The following PCDHGA1 variants were observed in gnomAD, a reference collection of about 807,000 sequenced individuals.
PCDHGA1 encodes protocadherin gamma subfamily A, 1, also known as protocadherin gamma-A1.
Under a neutral mutation model 58.0 loss-of-function variants are expected in PCDHGA1, and 32 were observed. The ratio of observed to expected loss-of-function variants is 0.55; its 90% CI spans 0.42 to 0.74. The LOEUF is 0.74. Ranked by LOEUF, PCDHGA1 falls within the 30% of genes least tolerant of loss-of-function variation. The pLI, the probability that PCDHGA1 is intolerant of heterozygous loss-of-function variation, is 0.00. For synonymous variants in PCDHGA1, 498 were observed against 501.1 expected, an observed-to-expected ratio of 0.99 and a Z score of 0.08; for missense variants, 1,205 against 1,182.3, an observed-to-expected ratio of 1.02 and a Z score of -0.28.
chr5:141,409,608 C>T, intron 1 of PCDHGA1: 18 of 1,613,942 alleles, frequency 1.1e-5, no homozygotes, highest in Non-Finnish European at 1.4e-5. Flanking sequence ...CCGCCAGGAG[C>T]CTCCATTGCG....
At chr5:141,456,819 C>A (rs1453433865) in intron 1 of PCDHGA1, among the ~76,000 whole-genome samples, 1 of 151,982 alleles carries the variant, frequency 6.6e-6, no homozygotes, top group Non-Finnish European at 1.5e-5. Flanking sequence ...AAAAAATTAG[C>A]CATCGTGGTA....
chr5:141,361,222 G>A, intron 1 of PCDHGA1: 1 of 1,613,958 alleles, frequency 6.2e-7, no homozygotes, highest in Non-Finnish European at 8.5e-7. Flanking sequence ...TTCGCCACCA[G>A]GAACAGTGAT....
chr5:141,495,069 T>G (rs1179878936), intron 2 of PCDHGA1, among the ~76,000 whole-genome samples: 1 of 152,142 alleles, frequency 6.6e-6, no homozygotes, highest in African/African-American at 2.4e-5. Flanking sequence ...GGAAGCTCAA[T>G]TCACATGCTT....
chr5:141,410,295 T>C (rs1043971768), intron 1 of PCDHGA1: 2 of 1,613,982 alleles, frequency 1.2e-6, no homozygotes, highest in East Asian at 2.2e-5. Context: ...GCCTTGGCCT[T>C]AATCTCAGTG....
At chr5:141,367,326 C>G (rs1765062617) in intron 1 of PCDHGA1, 3 of 152,420 alleles carry the variant, frequency 2.0e-5, no homozygotes. Context: ...ATCACGAGGT[C>G]AGGAGATCGA....
intron 1 of PCDHGA1, among the ~76,000 whole-genome samples, chr5:141,492,862 G>A (rs2099744602): frequency 6.6e-6 from 1 of 152,198 alleles, no homozygotes. Context: ...GAGCGCCCTG[G>A]CTCTCAACCC....
At chr5:141,367,010 A>G (rs917201512) in intron 1 of PCDHGA1, 9 of 419,880 alleles carry the variant, frequency 2.1e-5, no homozygotes, top group Admixed American at 8.4e-5. Flanking sequence ...TTTTACCCAA[A>G]TATTTTGTTA....
chr5:141,452,010 G>A (rs955708033), intron 1 of PCDHGA1, among the ~76,000 whole-genome samples: 1 of 152,192 alleles, frequency 6.6e-6, no homozygotes, highest in African/African-American at 2.4e-5. Context: ...ACTTGGTCCA[G>A]CCCACACTCT....
At chr5:141,339,575 C>A (rs377473177) in intron 1 of PCDHGA1, 60 of 1,614,028 alleles carry the variant, frequency 3.7e-5, no homozygotes, top group South Asian at 2.2e-4. Flanking sequence ...CTCTCTGGAC[C>A]GCGAGGAAGA....
chr5:141,404,909 C>G, intron 1 of PCDHGA1: 1 of 1,613,916 alleles, frequency 6.2e-7, no homozygotes, highest in Non-Finnish European at 8.5e-7. Flanking sequence ...TGGCCAGCCC[C>G]CTCTCTCGGC....
intron 1 of PCDHGA1, among the ~76,000 whole-genome samples, chr5:141,466,008 G>C (rs1298363274): frequency 6.6e-6 from 1 of 151,970 alleles, no homozygotes; most frequent in Non-Finnish European, 1.5e-5. Flanking sequence ...TGTAGTCCCA[G>C]CTACTCGGGA....
intron 1 of PCDHGA1, among the ~76,000 whole-genome samples, chr5:141,460,104 T>C (rs2098982178): frequency 6.6e-6 from 1 of 151,986 alleles, no homozygotes; most frequent in African/African-American, 2.4e-5. Flanking sequence ...CATGTAATTA[T>C]ATATGATTTT....
At chr5:141,416,576 A>C (rs1300203182) in intron 1 of PCDHGA1, 2 of 152,204 alleles carry the variant, frequency 1.3e-5, no homozygotes, top group Non-Finnish European at 2.9e-5. Flanking sequence ...TGAAATTGAG[A>C]GGCAAAATAA....
At chr5:141,341,701 C>A in intron 1 of PCDHGA1, 1 of 539,316 alleles carries the variant, frequency 1.9e-6, no homozygotes, top group Non-Finnish European at 3.2e-6. Context: ...CTGGGCAAAT[C>A]ATCTCATCCA....
chr5:141,370,896 C>T, intron 1 of PCDHGA1: 1 of 1,614,040 alleles, frequency 6.2e-7, no homozygotes, highest in Non-Finnish European at 8.5e-7. Context: ...CAATTCGCTG[C>T]AGCAGTACTA....
At chr5:141,417,937 C>T (rs571233315) in intron 1 of PCDHGA1, 2 of 1,612,530 alleles carry the variant, frequency 1.2e-6, no homozygotes, top group South Asian at 1.1e-5. Context: ...CTTTGTTCTA[C>T]CCCACGCTGT....
chr5:141,487,802 C>G lies in PCDHGA1; in HGVS notation c.2422-7005C>G. On this transcript the variant is annotated intron_variant, in intron 1 of 3. Transcript: ENST00000517417. The surrounding 1 kb of genome is among the most constrained non-coding windows in gnomAD (Gnocchi z 5.0). ...TTTCGTGAATTAACCAGAGTTGTCACAGTTTAGCATTGGGGGCGGGTCATG... is the reference window on the plus strand; with the variant it reads ...TTTCGTGAATTAACCAGAGTTGTCAGAGTTTAGCATTGGGGGCGGGTCATG... 6.8e-7 allele frequency: 1 copy of G among 1,477,424 alleles called. No homozygotes were observed. The allele number at this position is 1,477,424 out of a possible 1,614,324, so 91.5% of individuals were successfully genotyped here.
intron 1 of PCDHGA1, chr5:141,392,926 A>G (rs1180746876): frequency 9.3e-6 from 15 of 1,613,946 alleles, no homozygotes; most frequent in Non-Finnish European, 1.3e-5. Context: ...GTGCCAGAAG[A>G]GACGGACAAA....
rs151239937 is a variant in PCDHGA1, at chr5:141,485,980, G to A, written c.2422-8827G>A. 1.9e-6 allele frequency: 3 copies of A among 1,614,020 alleles called. No homozygotes were observed. The highest frequency in any genetic ancestry group is 2.5e-6 in the Non-Finnish European group (3 of 1,180,004). Reference sequence around the variant, plus strand: ...TCATCCAGCTCAATGCCTCAGACCCGGACCTGGGTCCCAGTGGTAACGTCA... The same window carrying A: ...TCATCCAGCTCAATGCCTCAGACCCAGACCTGGGTCCCAGTGGTAACGTCA... On this transcript the variant is annotated intron_variant, in intron 1 of 3. Coordinates refer to ENST00000517417, the MANE Select transcript of PCDHGA1 (RefSeq NM_018912.3). The surrounding 1 kb of genome is among the most constrained non-coding windows in gnomAD (Gnocchi z 5.7).
Sources: gnomAD v4.1 joint callset for allele counts (sites outside exome capture counted in the v4.1 genomes callset) on GRCh38, gnomAD v4.1.1 for gene constraint, Gnocchi (gnomAD v3.1) non-coding constraint, MANE v1.5 for transcripts, NCBI Gene and HGNC (gene_info 2026-07-23, HGNC 2026-07-21) for gene names.